The following ZNF385D variants were observed in gnomAD, a reference collection of about 807,000 sequenced individuals.
ZNF385D encodes zinc finger protein 659.
A neutral mutation model predicts 35.8 loss-of-function variants in ZNF385D; 15 were observed. The ratio of observed to expected loss-of-function variants is 0.42; its 90% confidence interval spans 0.28 to 0.64. The LOEUF is 0.64. ZNF385D is among the 30% of genes least tolerant of loss of function. The pLI is 0.23. For missense variants in ZNF385D, 474 were observed against 494.6 expected, an observed-to-expected ratio of 0.96 and a Z score of 0.39; for synonymous variants, 212 against 186.8, an observed-to-expected ratio of 1.13 and a Z score of -1.10.
chr3:22,299,589 G>C (rs1040076802), intron 2 of ZNF385D, among the ~76,000 whole-genome samples: 5 of 151,764 alleles, frequency 3.3e-5, no homozygotes, highest in Non-Finnish European at 5.9e-5. Flanking sequence ...GACTTCACTA[G>C]AAAACTGTTA....
chr3:21,682,232 G>A (rs151025400), intron 1 of ZNF385D, among the ~76,000 whole-genome samples: 1 of 132,884 alleles, frequency 7.5e-6, no homozygotes, highest in Admixed American at 7.4e-5. Context: ...GTCCTTTTAA[G>A]TTAGAAGCCA....
At chr3:22,261,705 C>T (rs1192173303) in intron 2 of ZNF385D, among the ~76,000 whole-genome samples, 2 of 151,910 alleles carry the variant, frequency 1.3e-5, no homozygotes, top group African/African-American at 4.8e-5. Context: ...TGGAAATTTT[C>T]ATCTGCCCTG....
chr3:21,490,519 G>T (rs945215009), intron 4 of ZNF385D, among the ~76,000 whole-genome samples: 3 of 152,154 alleles, frequency 2.0e-5, no homozygotes, highest in African/African-American at 4.8e-5. Flanking sequence ...TATGATGAGA[G>T]GGTGTTGTGA....
intron 2 of ZNF385D, among the ~76,000 whole-genome samples, chr3:22,308,654 G>C (rs951509728): frequency 6.6e-6 from 1 of 151,992 alleles, no homozygotes; most frequent in Non-Finnish European, 1.5e-5. Flanking sequence ...ACTGAGATTA[G>C]AGTTTATTGA....
chr3:21,643,842 G>C (rs1045324566), intron 2 of ZNF385D, among the ~76,000 whole-genome samples: 2 of 152,090 alleles, frequency 1.3e-5, no homozygotes, highest in Admixed American at 6.6e-5. Context: ...ACTGATACAA[G>C]ACATTTCCAA....
chr3:22,230,603 T>G (rs1056882687), intron 2 of ZNF385D, among the ~76,000 whole-genome samples: 2 of 152,182 alleles, frequency 1.3e-5, no homozygotes, highest in East Asian at 3.9e-4. Flanking sequence ...GAGTGGGGCC[T>G]CACATCAACC....
chr3:22,004,640 C>A (rs1398562603), intron 3 of ZNF385D, among the ~76,000 whole-genome samples: 1 of 152,144 alleles, frequency 6.6e-6, no homozygotes, highest in Non-Finnish European at 1.5e-5. Context: ...ATGTTACATA[C>A]CTCCCTCACA....
At chr3:21,592,003 C>T (rs907002360) in intron 2 of ZNF385D, among the ~76,000 whole-genome samples, 7 of 152,086 alleles carry the variant, frequency 4.6e-5, no homozygotes, top group African/African-American at 1.4e-4. Flanking sequence ...CCAATACTCC[C>T]GTTACTAGCA....
At chr3:21,977,389 C>A (rs1464548695) in intron 3 of ZNF385D, among the ~76,000 whole-genome samples, 4 of 152,042 alleles carry the variant, frequency 2.6e-5, no homozygotes, top group Admixed American at 2.6e-4. Flanking sequence ...GGGGGTTCCA[C>A]AGCTAATAAA....
intron 3 of ZNF385D, among the ~76,000 whole-genome samples, chr3:21,799,895 G>A (rs747143854): frequency 6.6e-6 from 1 of 152,100 alleles, no homozygotes; most frequent in Non-Finnish European, 1.5e-5. Context: ...AATGCACATA[G>A]AGGCCTTTGA....
At chr3:21,437,970 T>C (rs928513068) in intron 4 of ZNF385D, among the ~76,000 whole-genome samples, 2 of 152,138 alleles carry the variant, frequency 1.3e-5, no homozygotes, top group African/African-American at 4.8e-5. Context: ...CACCATGCTG[T>C]TGTCACATTG....
At chr3:21,522,100 T>C (rs1323099350) in intron 3 of ZNF385D, among the ~76,000 whole-genome samples, 2 of 152,024 alleles carry the variant, frequency 1.3e-5, no homozygotes, top group East Asian at 1.9e-4. Flanking sequence ...TGGATGAAAA[T>C]TGTGAATAAA....
rs148128968 is a variant in ZNF385D, at chr3:22,158,336, C to T, written c.325+10481G>A. On this transcript the variant is annotated intron_variant, in intron 3 of 5. Transcript: ENST00000494108. ...AGATATTCTGAAGTTCTATTGGAAA[C>T]CAGAGTTATTGGGCGCTTTTTCCCT... Among the ~76,000 whole-genome samples the T allele has an allele frequency of 3.9e-4, 59 of 152,150 alleles. No homozygotes were observed. In the East Asian group the frequency reaches 0.01, roughly 26 times the overall value.
intron 2 of ZNF385D, among the ~76,000 whole-genome samples, chr3:22,268,526 C>T (rs1701012094): frequency 6.6e-6 from 1 of 151,976 alleles, no homozygotes; most frequent in Admixed American, 6.6e-5. Context: ...CTACTCACCC[C>T]ATGCTACTGT....
At chr3:21,836,699 C>T (rs1695350708) in intron 3 of ZNF385D, among the ~76,000 whole-genome samples, 1 of 152,068 alleles carries the variant, frequency 6.6e-6, no homozygotes, top group African/African-American at 2.4e-5. Flanking sequence ...TAAAACTTTA[C>T]TTATAGACAC....
chr3:21,980,397 T>C (rs1694363613), intron 3 of ZNF385D, among the ~76,000 whole-genome samples: 1 of 152,136 alleles, frequency 6.6e-6, no homozygotes, highest in Non-Finnish European at 1.5e-5. Context: ...GGGAGATTTA[T>C]TACATAAAAG....
intron 3 of ZNF385D, among the ~76,000 whole-genome samples, chr3:21,939,038 G>A (rs1053475714): frequency 9.2e-5 from 14 of 152,072 alleles, no homozygotes; most frequent in African/African-American, 3.4e-4. Flanking sequence ...CACATTGATG[G>A]GGCAGGTTTC....
intron 2 of ZNF385D, among the ~76,000 whole-genome samples, chr3:21,639,557 C>T (rs906375797): frequency 2.6e-5 from 4 of 151,920 alleles, no homozygotes; most frequent in Admixed American, 6.6e-5. Flanking sequence ...ATATAAAATA[C>T]AATTTTACTG....
chr3:22,100,217 A>G (rs1456799956), intron 3 of ZNF385D, among the ~76,000 whole-genome samples: 5 of 143,670 alleles, frequency 3.5e-5, no homozygotes, highest in Admixed American at 2.1e-4. Context: ...AAATAGGAAC[A>G]CTTTTACACT....
Sources: gnomAD v4.1 joint callset for allele counts (sites outside exome capture counted in the v4.1 genomes callset) on GRCh38, gnomAD v4.1.1 for gene constraint, MANE v1.5 for transcripts, NCBI Gene and HGNC (gene_info 2026-07-23, HGNC 2026-07-21) for gene names.